Variants in NOL4L observed in about 807,000 individuals in gnomAD.
The protein encoded by NOL4L is nucleolar protein 4 like, also known as nucleolar protein 4-like.
A neutral mutation model predicts 64.5 loss-of-function variants in NOL4L; 7 were observed. That is an observed-to-expected ratio of 0.11 (90% CI 0.06 to 0.20). NOL4L has a LOEUF of 0.20. Ranked by LOEUF, NOL4L falls within the 10% of genes least tolerant of loss-of-function variation. The pLI is 1.00. For missense variants in NOL4L, 680 were observed against 967.1 expected (o/e 0.70, Z 3.94); for synonymous variants, 413 against 401.0 (o/e 1.03, Z -0.36).
intron 4 of NOL4L, among the ~76,000 whole-genome samples, chr20:32,489,974 C>T (rs1052147014): frequency 6.6e-6 from 1 of 151,222 alleles, no homozygotes; most frequent in African/African-American, 2.4e-5. Flanking sequence ...ACTAAAAATA[C>T]AAAAATTAGC....
chr20:32,544,970 T>C (rs564074817), intron 1 of NOL4L, among the ~76,000 whole-genome samples: 16 of 152,282 alleles, frequency 1.1e-4, no homozygotes, highest in Admixed American at 3.3e-4. Flanking sequence ...CAGCTGGGAA[T>C]TGACAGCCAG....
At chr20:32,488,214 G>C (rs2016176719) in intron 4 of NOL4L, among the ~76,000 whole-genome samples, 2 of 152,210 alleles carry the variant, frequency 1.3e-5, no homozygotes, top group African/African-American at 4.8e-5. Context: ...TTTAACGTGT[G>C]TTTAACGTAG....
At position 32,499,738 on chromosome 20, in the gene NOL4L, C is replaced by CAAAAAAAAAAAAA. The variant is rs10692885; in HGVS notation, c.699+11596_699+11608dup. On this transcript the variant is annotated intron_variant, in intron 4 of 10. Transcript: ENST00000621426. ...TGGGCAACAGAGGGAGACCTTGTCT[C>CAAAAAAAAAAAAA]AAAAAAAAAAAAAAAAAAAAAAGGA... 3.9e-4 allele frequency among the ~76,000 whole-genome samples: 20 copies of CAAAAAAAAAAAAA among 51,344 alleles called. 1 individual carries two copies. The highest frequency in any genetic ancestry group is 1.7e-3 in the African/African-American group (20 of 11,856). 33.7% of individuals were successfully genotyped at this position (51,344 alleles called of 152,430 possible). A position where few individuals can be genotyped will look rare whatever the true frequency, so the allele number is the denominator to read the frequency against.
intron 5 of NOL4L, among the ~76,000 whole-genome samples, chr20:32,461,326 A>C (rs79174576): frequency 0.013 from 1,940 of 150,804 alleles, 24 homozygotes; most frequent in Middle Eastern, 0.034. Context: ...CCCTTGGCGC[A>C]GTCCCTCACT....
chr20:32,538,865 C>T (rs900381644), intron 1 of NOL4L, among the ~76,000 whole-genome samples: 1 of 152,204 alleles, frequency 6.6e-6, no homozygotes, highest in Non-Finnish European at 1.5e-5. Flanking sequence ...AGCCCTCTCC[C>T]GGAAAGGGAG....
At chr20:32,480,577 G>A (rs933803866) in intron 4 of NOL4L, among the ~76,000 whole-genome samples, 1 of 152,142 alleles carries the variant, frequency 6.6e-6, no homozygotes, top group Non-Finnish European at 1.5e-5. Flanking sequence ...TCCAGGCCCT[G>A]GACATTCTTC....
At chr20:32,527,197 G>A (rs990086959) in intron 2 of NOL4L, among the ~76,000 whole-genome samples, 2 of 152,120 alleles carry the variant, frequency 1.3e-5, no homozygotes, top group African/African-American at 2.4e-5. Context: ...TGCTTCTCAT[G>A]TATCTTGTTT....
chr20:32,562,213 A>G (rs1432657829), intron 1 of NOL4L, among the ~76,000 whole-genome samples: 1 of 152,100 alleles, frequency 6.6e-6, no homozygotes, highest in East Asian at 1.9e-4. Flanking sequence ...TTGCCTAGTG[A>G]CACTGGGGAG....
In NOL4L at chr20:32,453,222, A is replaced by G; in HGVS notation, c.1497+82T>C. 6.5e-7 allele frequency: 1 copy of G among 1,528,018 alleles called. No individual in the cohort carries two copies. The highest frequency in any genetic ancestry group is 8.9e-7 in the Non-Finnish European group (1 of 1,127,270). 94.7% of individuals were successfully genotyped at this position (1,528,018 alleles called of 1,614,324 possible). ...GGGCTCCTGGGAAGACCCTGGGTGA[A>G]GGGGCCCGGGCATCCTGGGAGTGTG... On this transcript the variant is annotated intron_variant, in intron 8 of 10. Transcript: ENST00000621426. The surrounding 1 kb of genome is among the most constrained non-coding windows in gnomAD (Gnocchi z 5.6).
At chr20:32,469,469 T>C (rs1348454523) in intron 5 of NOL4L, among the ~76,000 whole-genome samples, 1 of 152,030 alleles carries the variant, frequency 6.6e-6, no homozygotes, top group South Asian at 2.1e-4. Context: ...CCTCCCGGGT[T>C]CAAGCAATTC....
At chr20:32,541,006 CCT>C (rs1373058329) in intron 1 of NOL4L, among the ~76,000 whole-genome samples, 41 of 119,206 alleles carry the variant, frequency 3.4e-4, no homozygotes, top group Non-Finnish European at 5.9e-4. Context: ...CTCGCCACCC[CCT>C]ACACACACAC....
chr20:32,506,418 T>C (rs1449966235), intron 4 of NOL4L, among the ~76,000 whole-genome samples: 1 of 151,948 alleles, frequency 6.6e-6, no homozygotes, highest in African/African-American at 2.4e-5. Flanking sequence ...TCCCAGCACT[T>C]TGGGAGGCCG....
chr20:32,480,784 C>T (rs937574643), intron 4 of NOL4L, among the ~76,000 whole-genome samples: 6 of 152,162 alleles, frequency 3.9e-5, no homozygotes, highest in African/African-American at 1.4e-4. Context: ...GTGAAGGAGC[C>T]GCACACATGA....
chr20:32,514,945 T>C (rs1321929030), intron 3 of NOL4L, among the ~76,000 whole-genome samples: 1 of 152,080 alleles, frequency 6.6e-6, no homozygotes, highest in African/African-American at 2.4e-5. Flanking sequence ...CGGTCGGCCC[T>C]TCGTTGGGTG....
intron 1 of NOL4L, chr20:32,548,774 G>A: frequency 4.6e-6 from 2 of 430,164 alleles, no homozygotes; most frequent in Non-Finnish European, 9.2e-6. Flanking sequence ...CCATATTCAG[G>A]GATGTTCACT....
chr20:32,470,058 G>A (rs1333705326), intron 5 of NOL4L, among the ~76,000 whole-genome samples: 9 of 152,220 alleles, frequency 5.9e-5, no homozygotes, highest in Admixed American at 4.6e-4. Context: ...GGCTCCACAC[G>A]ACTCTTGCTC....
Position 32,474,627 on chromosome 20 carries a change from G to T in NOL4L, c.815C>A (p.Pro272Gln), listed in dbSNP as rs769306542. The T allele has an allele frequency of 6.2e-7, 1 of 1,613,146 alleles. No individual in the cohort carries two copies. Among genetic ancestry groups the T allele is most frequent in the South Asian group, 1.1e-5 (1 of 91,058 alleles). The change falls in exon 5 of 11, where the codon CCG becomes CAG. Residue 272 changes from proline to glutamine, a missense_variant. Transcript: ENST00000621426. ...SPSQDERMRS[P>Q]QNLHSQEDDD... ...GTCCTCTTGACTGTGGAGGTTCTGC[G>T]GGCTCCGCATCCTCTCGTCCTGGCT...
At chr20:32,573,662 T>C in intron 1 of NOL4L, 1 of 218,106 alleles carries the variant, frequency 4.6e-6, no homozygotes, top group Non-Finnish European at 9.4e-6. Flanking sequence ...AGAGGGGAAG[T>C]AACTTACCCA....
At chr20:32,447,866 T>A in intron 10 of NOL4L, 50 bp from the exon 11 acceptor site, 1 of 1,513,906 alleles carries the variant, frequency 6.6e-7, no homozygotes, top group East Asian at 2.3e-5. Context: ...CTGCCTGGCA[T>A]CTGGGAGGTG....
Sources: allele counts gnomAD v4.1 joint callset (sites outside exome capture counted in the v4.1 genomes callset), GRCh38; gene constraint gnomAD v4.1.1; non-coding constraint Gnocchi (gnomAD v3.1); transcripts MANE v1.5; gene names NCBI Gene and HGNC (gene_info 2026-07-23, HGNC 2026-07-21).